The following ZNF521 variants were observed in gnomAD, a reference collection of about 807,000 sequenced individuals.
The protein encoded by ZNF521 is zinc finger protein 521.
ZNF521 carries 14 observed loss-of-function variants against 105.5 expected under a neutral mutation model. The observed-to-expected ratio is 0.13, with a 90% confidence interval of 0.09 to 0.21. ZNF521 has a LOEUF of 0.21. Among genes scored for constraint, ZNF521 ranks in the 10% least tolerant of loss-of-function variants. The probability of loss-of-function intolerance (pLI) is 1.00; values close to 1 mark genes in which losing one functional copy is unlikely to be tolerated. For synonymous variants in ZNF521, 635 were observed against 606.0 expected, an observed-to-expected ratio of 1.05 and a Z score of -0.70; for missense variants, 1,233 against 1,629.7, an observed-to-expected ratio of 0.76 and a Z score of 4.19.
At chr18:25,127,934 G>C (rs2034566997) in intron 5 of ZNF521, among the ~76,000 whole-genome samples, 1 of 151,874 alleles carries the variant, frequency 6.6e-6, no homozygotes, top group African/African-American at 2.4e-5. Context: ...ATTTGTTTCA[G>C]AAAACAGAAT....
chr18:25,281,759 G>A (rs1322915804), intron 3 of ZNF521, among the ~76,000 whole-genome samples: 1 of 152,148 alleles, frequency 6.6e-6, no homozygotes, highest in East Asian at 1.9e-4. Context: ...TTCCATGAAT[G>A]CGATGAAACA....
intron 3 of ZNF521, among the ~76,000 whole-genome samples, chr18:25,293,386 A>ACAC: frequency 6.6e-6 from 1 of 151,410 alleles, no homozygotes. Flanking sequence ...ACACACACAC[A>ACAC]AATTCCTTAA....
intron 2 of ZNF521, among the ~76,000 whole-genome samples, chr18:25,336,599 C>T (rs1913893775): frequency 2.0e-5 from 3 of 152,106 alleles, no homozygotes; most frequent in Admixed American, 2.0e-4. Context: ...ATTCTATCTA[C>T]GTTGGCAAAG....
At chr18:25,160,739 T>C (rs1021215956) in intron 5 of ZNF521, among the ~76,000 whole-genome samples, 7 of 152,200 alleles carry the variant, frequency 4.6e-5, no homozygotes, top group Non-Finnish European at 8.8e-5. Context: ...TTGCTTTTCA[T>C]GTGAAACAAA....
chr18:25,252,103 T>G (rs891943137), intron 3 of ZNF521, among the ~76,000 whole-genome samples: 1 of 152,208 alleles, frequency 6.6e-6, no homozygotes, highest in Non-Finnish European at 1.5e-5. Flanking sequence ...TGTATGTGGC[T>G]AATAGCTTTT....
At chr18:25,264,772 C>A (rs1909136559) in intron 3 of ZNF521, among the ~76,000 whole-genome samples, 1 of 151,884 alleles carries the variant, frequency 6.6e-6, no homozygotes, top group South Asian at 2.1e-4. Context: ...TTAGCTAAAT[C>A]AAGGAACTCT....
At position 25,225,918 on chromosome 18, in the gene ZNF521, G is replaced by A. The variant is rs1906093296; in HGVS notation, c.2000C>T (p.Pro667Leu). 2 of 1,614,020 alleles carry A rather than the reference G, an allele frequency of 1.2e-6. No homozygotes were observed. The highest frequency in any genetic ancestry group is 2.7e-5 in the African/African-American group (2 of 74,942). The change falls in exon 4 of 8, where the codon CCT (proline) becomes CTT (leucine). Residue 667 changes from proline (P) to leucine (L), a missense_variant. By Grantham distance (98) the Pro-to-Leu change is moderately conservative (BLOSUM62 -3). This residue lies in a region of ZNF521 where 614 missense variants were observed against 751.5 expected (regional missense o/e 0.82). Transcript: ENST00000361524. The surrounding 1 kb of genome is among the most constrained non-coding windows in gnomAD (Gnocchi z 5.6). ...LDTVLPKLTC[P>L]QCNKEFPNQE... ...GTTGGGGAATTCCTTGTTGCACTGA[G>A]GACAGGTCAATTTTGGAAGCACAGT...
intron 7 of ZNF521, among the ~76,000 whole-genome samples, chr18:25,071,918 G>A (rs1233618158): frequency 1.3e-5 from 2 of 152,128 alleles, no homozygotes; most frequent in African/African-American, 4.8e-5. Context: ...GAGGTAAAAA[G>A]GGAGAGAATG....
At chr18:25,159,371 G>C (rs1054909510) in intron 5 of ZNF521, among the ~76,000 whole-genome samples, 1 of 152,136 alleles carries the variant, frequency 6.6e-6, no homozygotes, top group African/African-American at 2.4e-5. Flanking sequence ...CTGGGGGCAG[G>C]GTAGAAAGAA....
rs1906263384 is a variant in ZNF521 at position 25,227,711 on chromosome 18, C to A, written c.221-14G>T. 6.3e-7 allele frequency: 1 copy of A among 1,598,288 alleles called. No homozygotes were observed. Among genetic ancestry groups the A allele is most frequent in the Non-Finnish European group, 8.5e-7 (1 of 1,171,474 alleles). On this transcript the variant is annotated splice_polypyrimidine_tract_variant and intron_variant, in intron 3 of 7. Coordinates refer to ENST00000361524, the MANE Select transcript of ZNF521 (RefSeq NM_015461.3). The surrounding 1 kb of genome is among the most constrained non-coding windows in gnomAD (Gnocchi z 5.7). ...CATCCACTCCATCTGCAACAAGAAG[C>A]AATGACAAATTTCATCTGACATGTT...
chr18:25,134,748 C>T (rs1600078392), intron 5 of ZNF521, among the ~76,000 whole-genome samples: 1 of 152,258 alleles, frequency 6.6e-6, no homozygotes, highest in South Asian at 2.1e-4. Flanking sequence ...CCCCTGGCCA[C>T]GCCCCAAGGG....
At position 25,150,135 on chromosome 18, in the gene ZNF521, T is replaced by C. The variant is rs540128183; in HGVS notation, c.3658+45025A>G. On this transcript the variant is annotated intron_variant, in intron 5 of 7. Coordinates refer to ENST00000361524, the MANE Select transcript of ZNF521 (RefSeq NM_015461.3). Reference sequence around the variant, plus strand: ...TTAATGGCATTCACAGCAACTTGGATGGAACTGGAGACCATCCAGTTATTC... The same window carrying C: ...TTAATGGCATTCACAGCAACTTGGACGGAACTGGAGACCATCCAGTTATTC... Among the ~76,000 whole-genome samples the C allele has an allele frequency of 1.4e-4, 21 of 152,274 alleles. No homozygotes were observed. The East Asian group carries it at 3.7e-3, about 27-fold the overall frequency.
At chr18:25,332,082 TC>T (rs11309828) in intron 2 of ZNF521, among the ~76,000 whole-genome samples, 68,258 of 151,152 alleles carry the variant, frequency 0.45, 15,798 homozygotes, top group Middle Eastern at 0.51. Context: ...TCTTTCTTTT[TC>T]CCCTTCAGCA....
chr18:25,238,478 C>T (rs1232482820), intron 3 of ZNF521, among the ~76,000 whole-genome samples: 1 of 152,176 alleles, frequency 6.6e-6, no homozygotes, highest in African/African-American at 2.4e-5. Flanking sequence ...TTGCCTCTCT[C>T]CTGTTCTTCC....
At chr18:25,328,201 G>A (rs1167989288) in intron 2 of ZNF521, among the ~76,000 whole-genome samples, 2 of 152,098 alleles carry the variant, frequency 1.3e-5, no homozygotes, top group South Asian at 2.1e-4. Flanking sequence ...AAACAAAATC[G>A]CACTGTTGAA....
rs36175281 is a variant in ZNF521, at chr18:25,139,372, C to CAA, written c.3659-47293_3659-47292dup. Among the ~76,000 whole-genome samples, 71 of 51,384 alleles carry CAA rather than the reference C, an allele frequency of 1.4e-3. 3 individuals are homozygous for CAA. Among genetic ancestry groups the CAA allele is most frequent in the East Asian group, 4.2e-3 (5 of 1,196 alleles). 33.7% of individuals were successfully genotyped at this position (51,384 alleles called of 152,430 possible). On this transcript the variant is annotated intron_variant, in intron 5 of 7. Coordinates refer to ENST00000361524, the MANE Select transcript of ZNF521 (RefSeq NM_015461.3). ...TGGGCGACAGAGCAAGACTCTGTCT[C>CAA]AAAAAAAAAAAAAAAAAAAAAAAAA...
rs780708578 is a variant in ZNF521 at position 25,195,727 on chromosome 18, T to G, written c.3574-483A>C. On this transcript the variant is annotated intron_variant, in intron 4 of 7. Transcript: ENST00000361524. ...GGATGCTAGCTAAAATATTTAGAGA[T>G]ATAATTTTTGGCTAAAGTCTACAAT... Among the ~76,000 whole-genome samples the G allele has an allele frequency of 2.6e-5, 4 of 151,768 alleles. No individual in the cohort carries two copies. In the East Asian group the frequency reaches 5.8e-4, roughly 22 times the overall value.
chr18:25,135,271 T>C (rs1007939835), intron 5 of ZNF521, among the ~76,000 whole-genome samples: 1 of 138,162 alleles, frequency 7.2e-6, no homozygotes, highest in Non-Finnish European at 1.6e-5. Context: ...CATACATGTA[T>C]ATGTATACGT....
intron 7 of ZNF521, among the ~76,000 whole-genome samples, chr18:25,068,976 C>T (rs914616793): frequency 6.6e-6 from 1 of 152,180 alleles, no homozygotes; most frequent in Non-Finnish European, 1.5e-5. Flanking sequence ...CGCATTCTAC[C>T]TAGTCCTCAA....
Sources: allele counts gnomAD v4.1 joint callset (sites outside exome capture counted in the v4.1 genomes callset), GRCh38; gene constraint gnomAD v4.1.1; regional missense constraint gnomAD v4.1.1; non-coding constraint Gnocchi (gnomAD v3.1); transcripts MANE v1.5; gene names NCBI Gene and HGNC (gene_info 2026-07-23, HGNC 2026-07-21).